Variants in ATP10A observed in about 807,000 individuals in gnomAD.
The protein encoded by ATP10A is ATPase phospholipid transporting 10A (putative), also known as phospholipid-transporting ATPase VA.
A neutral mutation model predicts 147.8 loss-of-function variants in ATP10A; 111 were observed. The observed-to-expected ratio is 0.75, with a 90% CI of 0.64 to 0.88. ATP10A has a LOEUF of 0.88. Ranked by LOEUF, ATP10A falls within the 40% of genes least tolerant of loss-of-function variation. The pLI is 0.00. For missense variants in ATP10A, 1,927 were observed against 1,959.0 expected (o/e 0.98, Z 0.31); for synonymous variants, 875 against 841.6 (o/e 1.04, Z -0.69).
intron 2 of ATP10A, among the ~76,000 whole-genome samples, chr15:25,779,510 A>G (rs1889789769): frequency 1.4e-5 from 2 of 143,672 alleles, no homozygotes; most frequent in South Asian, 4.6e-4. Context: ...GGCCAGGCCT[A>G]GGGGAGAAGC....
intron 10 of ATP10A, chr15:25,710,903 A>G (rs1391790443): frequency 6.6e-6 from 1 of 152,236 alleles, no homozygotes; most frequent in Non-Finnish European, 1.5e-5. Context: ...AGACTTGGGA[A>G]AGGTACCGAG....
At chr15:25,864,377 C>T (rs1459605834), upstream of ATP10A, among the ~76,000 whole-genome samples, 5 of 152,232 alleles carry the variant, frequency 3.3e-5, no homozygotes, top group African/African-American at 7.2e-5. Flanking sequence ...GCCCAGGAGG[C>T]CGTGGCTGGG....
At chr15:25,800,798 T>G (rs1430070054) in intron 1 of ATP10A, among the ~76,000 whole-genome samples, 1 of 152,188 alleles carries the variant, frequency 6.6e-6, no homozygotes, top group African/African-American at 2.4e-5. Context: ...CAGTAACTAT[T>G]TTAACCATGT....
chr15:25,848,507 G>T (rs992879390), intron 1 of ATP10A, among the ~76,000 whole-genome samples: 1 of 151,960 alleles, frequency 6.6e-6, no homozygotes, highest in Non-Finnish European at 1.5e-5. Context: ...GATCTTACTG[G>T]GTCAAAACGA....
In ATP10A at chr15:25,679,214, C is replaced by G. The variant is rs1378698738; in HGVS notation, c.*127G>C. ...AAATAAACTTTCTTTTTTGGTACCT[C>G]TTGTTTCCTGTATTAGCCTGGGAAA... On this transcript the variant is annotated 3_prime_UTR_variant, in exon 21 of 21. Coordinates refer to ENST00000555815, the MANE Select transcript of ATP10A (RefSeq NM_024490.4). 5.2e-6 allele frequency: 4 copies of G among 769,504 alleles called. No individual in the cohort carries two copies. In the East Asian group the frequency reaches 1.1e-4, roughly 21 times the overall value. 47.7% of individuals were successfully genotyped at this position (769,504 alleles called of 1,614,324 possible).
At chr15:25,709,852 C>T (rs72701801) in intron 10 of ATP10A, 16,546 of 152,352 alleles carry the variant, frequency 0.11, 1,046 homozygotes, top group African/African-American at 0.16. Flanking sequence ...CTGCGGAATA[C>T]CGAGGCTGGG....
rs564389385 is a variant in ATP10A at position 25,815,135 on chromosome 15, C to CA, written c.450-33913dup. ...ACCAGGTCGACATCACACCACCAGG[C>CA]ACTCAGAAGTTACGCTCCATGAAAC... On this transcript the variant is annotated intron_variant, in intron 1 of 20. Transcript: ENST00000555815. Among the ~76,000 whole-genome samples, 202 of 152,296 alleles carry CA rather than the reference C, an allele frequency of 1.3e-3. 1 individual carries two copies. Among genetic ancestry groups the CA allele is most frequent in the Admixed American group, 2.9e-3 (45 of 15,304 alleles).
intron 15 of ATP10A, 127 bp from the exon 16 acceptor site, chr15:25,687,955 G>T: frequency 7.6e-7 from 1 of 1,324,006 alleles, no homozygotes; most frequent in African/African-American, 1.5e-5. Context: ...TGCGAGCGTG[G>T]CCGGCCAGGG....
chr15:25,722,812 A>G (rs1902325105), intron 6 of ATP10A, among the ~76,000 whole-genome samples: 2 of 151,988 alleles, frequency 1.3e-5, no homozygotes, highest in Non-Finnish European at 2.9e-5. Context: ...GTTGGTAGTG[A>G]CCCCACTGCC....
rs565362227 is a variant in ATP10A at position 25,823,046 on chromosome 15, TTAAC to T, written c.449+39598_449+39601del. Among the ~76,000 whole-genome samples the T allele has an allele frequency of 1.9e-3, 290 of 152,264 alleles. 3 individuals carry two copies. The highest frequency in any genetic ancestry group is 6.5e-3 in the African/African-American group (270 of 41,550). ...TCTGCAATGTACAAACTTTCAGAAATTAACTATTCAAAGAAGCAACATTTTTTAA... is the reference window on the plus strand; with the variant it reads ...TCTGCAATGTACAAACTTTCAGAAATTATTCAAAGAAGCAACATTTTTTAA... On this transcript the variant is annotated intron_variant, in intron 1 of 20. Coordinates refer to ENST00000555815, the MANE Select transcript of ATP10A (RefSeq NM_024490.4).
chr15:25,859,526 C>T (rs532255299), intron 1 of ATP10A, among the ~76,000 whole-genome samples: 9 of 152,262 alleles, frequency 5.9e-5, no homozygotes, highest in Admixed American at 1.3e-4. Context: ...AGCTTAGTGA[C>T]GCTGGGTGGG....
intron 1 of ATP10A, among the ~76,000 whole-genome samples, chr15:25,829,586 T>C (rs932895337): frequency 2.6e-5 from 4 of 152,090 alleles, no homozygotes; most frequent in Non-Finnish European, 5.9e-5. Context: ...CCCAAATCCA[T>C]ACGTGGGTCA....
At chr15:25,799,045 T>G (rs970293365) in intron 1 of ATP10A, among the ~76,000 whole-genome samples, 2 of 152,228 alleles carry the variant, frequency 1.3e-5, no homozygotes, top group East Asian at 1.9e-4. Flanking sequence ...CTTTCCTTCC[T>G]CTTCCCATGC....
chr15:25,817,624 C>G (rs1891719314), intron 1 of ATP10A, among the ~76,000 whole-genome samples: 1 of 152,292 alleles, frequency 6.6e-6, no homozygotes, highest in South Asian at 2.1e-4. Flanking sequence ...ACAAATTATT[C>G]TTTCCTTTCC....
At chr15:25,728,604 G>A (rs575505739) in intron 3 of ATP10A, among the ~76,000 whole-genome samples, 1 of 152,214 alleles carries the variant, frequency 6.6e-6, no homozygotes, top group Non-Finnish European at 1.5e-5. Flanking sequence ...CTTCTCCAGC[G>A]AAAGCCAGAC....
At chr15:25,715,372 A>G (rs980220000) in intron 9 of ATP10A, among the ~76,000 whole-genome samples, 7 of 152,376 alleles carry the variant, frequency 4.6e-5, no homozygotes, top group Non-Finnish European at 1.0e-4. Flanking sequence ...ATGCACCCAG[A>G]GACATCTTCA....
At chr15:25,706,826 T>A (rs543290799) in intron 12 of ATP10A, among the ~76,000 whole-genome samples, 2 of 152,284 alleles carry the variant, frequency 1.3e-5, no homozygotes, top group South Asian at 4.1e-4. Flanking sequence ...AAAACAAGCC[T>A]GGTCAATGAG....
At chr15:25,745,033 A>T (rs1300312339) in intron 2 of ATP10A, among the ~76,000 whole-genome samples, 1 of 152,212 alleles carries the variant, frequency 6.6e-6, no homozygotes, top group Non-Finnish European at 1.5e-5. Context: ...AAACTCTTAA[A>T]GGGAAATTGG....
intron 1 of ATP10A, among the ~76,000 whole-genome samples, chr15:25,801,499 AG>A (rs1890937879): frequency 6.6e-6 from 1 of 152,212 alleles, no homozygotes; most frequent in Non-Finnish European, 1.5e-5. Context: ...ATCCTGCGTC[AG>A]GCAGAGCACT....
Sources: gnomAD v4.1 joint callset for allele counts (sites outside exome capture counted in the v4.1 genomes callset) on GRCh38, gnomAD v4.1.1 for gene constraint, MANE v1.5 for transcripts, NCBI Gene and HGNC (gene_info 2026-07-23, HGNC 2026-07-21) for gene names.